MTCL2: variants seen among roughly 807,000 people sequenced by gnomAD.
The protein encoded by MTCL2 is microtubule cross-linking factor 2.
the MTCL2 span, chr20:36,839,482 A>C: frequency 4.4e-6 from 7 of 1,586,222 alleles, no homozygotes; most frequent in African/African-American, 6.7e-5. This position sits in a 1 kb window ranked among gnomAD's most constrained non-coding sequence, Gnocchi z 5.1. Flanking sequence ...GGCCCACAGT[A>C]GCAGCTAGGA....
At chr20:36,839,169 G>A in the MTCL2 span, 1 of 1,545,392 alleles carries the variant, frequency 6.5e-7, no homozygotes, top group Admixed American at 1.7e-5. The surrounding 1 kb of genome is among the most constrained non-coding windows in gnomAD (Gnocchi z 5.1). Context: ...GCCCCACTTA[G>A]ACTTGTGGTC....
the MTCL2 span, among the ~76,000 whole-genome samples, chr20:36,844,228 T>G: frequency 6.7e-6 from 1 of 148,450 alleles, no homozygotes; most frequent in Non-Finnish European, 1.5e-5. Flanking sequence ...AGAGCGAGAC[T>G]CTGTCTCAGA....
chr20:36,827,666 A>T, the MTCL2 span, among the ~76,000 whole-genome samples: 2 of 152,274 alleles, frequency 1.3e-5, no homozygotes, highest in South Asian at 4.1e-4. Context: ...CTGATGTCAC[A>T]GATAAAGAAA....
At chr20:36,851,482 G>A in the MTCL2 span, among the ~76,000 whole-genome samples, 2 of 152,078 alleles carry the variant, frequency 1.3e-5, no homozygotes, top group Non-Finnish European at 2.9e-5. Flanking sequence ...CACTTGGGTC[G>A]TAGGCAACCA....
the MTCL2 span, among the ~76,000 whole-genome samples, chr20:36,847,947 ACCAG>A: frequency 6.6e-6 from 1 of 151,962 alleles, no homozygotes; most frequent in African/African-American, 2.4e-5. Flanking sequence ...GGAGTTCAAG[ACCAG>A]CCTTGGCAAC....
At chr20:36,810,717 C>CCTCTCTCTCA in the MTCL2 span, among the ~76,000 whole-genome samples, 1 of 94,194 alleles carries the variant, frequency 1.1e-5, no homozygotes, top group South Asian at 4.1e-4. Flanking sequence ...TCTCTCTCTC[C>CCTCTCTCTCA]CTCTCTCTCT....
At chr20:36,823,451 C>A in the MTCL2 span, among the ~76,000 whole-genome samples, 1 of 152,182 alleles carries the variant, frequency 6.6e-6, no homozygotes, top group Non-Finnish European at 1.5e-5. Context: ...AAGCACTTTA[C>A]TTGCTTGTCT....
the MTCL2 span, chr20:36,806,034 G>T: frequency 2.4e-6 from 3 of 1,254,412 alleles, no homozygotes; most frequent in South Asian, 1.5e-5. Flanking sequence ...GCACCATGTA[G>T]GTCGAGGAGC....
chr20:36,780,943 T>A, the MTCL2 span: 6 of 152,188 alleles, frequency 3.9e-5, no homozygotes, highest in Non-Finnish European at 7.3e-5. Context: ...TTCCCATAAT[T>A]GGATGATAAA....
chr20:36,829,825 C>T, the MTCL2 span, among the ~76,000 whole-genome samples: 1 of 151,776 alleles, frequency 6.6e-6, no homozygotes, highest in African/African-American at 2.4e-5. Context: ...TGGTGAAACC[C>T]CATCTCTACT....
chr20:36,804,020 G>A, the MTCL2 span, among the ~76,000 whole-genome samples: 2 of 151,272 alleles, frequency 1.3e-5, no homozygotes, highest in Non-Finnish European at 2.9e-5. Context: ...GGGGTTAGAG[G>A]TTTGGGGGAG....
chr20:36,817,562 G>A, the MTCL2 span: 1 of 1,287,170 alleles, frequency 7.8e-7, no homozygotes, highest in Non-Finnish European at 1.1e-6. Context: ...AGTGCCCAGG[G>A]TCCAGGGAGG....
the MTCL2 span, among the ~76,000 whole-genome samples, chr20:36,788,867 T>C: frequency 6.6e-6 from 1 of 150,980 alleles, no homozygotes; most frequent in African/African-American, 2.4e-5. Flanking sequence ...AGTGCAATGA[T>C]GCGATCTCAG....
chr20:36,795,888 G>A, the MTCL2 span, among the ~76,000 whole-genome samples: 1 of 152,176 alleles, frequency 6.6e-6, no homozygotes, highest in Non-Finnish European at 1.5e-5. Context: ...ACAATAGGTG[G>A]GATATGGTGA....
chr20:36,863,126 C>T, the MTCL2 span: 1 of 1,397,014 alleles, frequency 7.2e-7, no homozygotes, highest in Non-Finnish European at 9.3e-7. This position sits in a 1 kb window ranked among gnomAD's most constrained non-coding sequence, Gnocchi z 6.2. Flanking sequence ...CTGCGCGCCC[C>T]TTCTTGTCCG....
At chr20:36,804,682 T>C in the MTCL2 span, 5 of 1,595,358 alleles carry the variant, frequency 3.1e-6, no homozygotes, top group Non-Finnish European at 4.3e-6. Context: ...ATCTGACAGC[T>C]AAAGGCTTGG....
chr20:36,841,386 A>C, the MTCL2 span, among the ~76,000 whole-genome samples: 5 of 151,994 alleles, frequency 3.3e-5, no homozygotes, highest in Non-Finnish European at 7.4e-5. Flanking sequence ...GCCAAAATGA[A>C]ACCAAACAAC....
the MTCL2 span, among the ~76,000 whole-genome samples, chr20:36,788,224 C>T: frequency 4.2e-5 from 6 of 141,428 alleles, no homozygotes; most frequent in African/African-American, 1.6e-4. Context: ...AAAAAAAGTG[C>T]TGCTGGGCTG....
At chr20:36,811,002 G>A in the MTCL2 span, among the ~76,000 whole-genome samples, 2 of 152,142 alleles carry the variant, frequency 1.3e-5, no homozygotes, top group East Asian at 3.9e-4. Context: ...AATTACAGGT[G>A]TGAGTCACCG....
Sources: allele counts gnomAD v4.1 joint callset (sites outside exome capture counted in the v4.1 genomes callset), GRCh38; gene constraint gnomAD v4.1.1; non-coding constraint Gnocchi (gnomAD v3.1); transcripts MANE v1.5; gene names NCBI Gene and HGNC (gene_info 2026-07-23, HGNC 2026-07-21).